CSMD1: variants seen among roughly 807,000 people sequenced by gnomAD.
CSMD1 encodes CUB and Sushi multiple domains 1.
In CSMD1, 213 loss-of-function variants were observed where a neutral mutation model predicts 417.5. That is an observed-to-expected ratio of 0.51 (90% confidence interval 0.46 to 0.57). The LOEUF is 0.57. Ranked by LOEUF, CSMD1 falls within the 20% of genes least tolerant of loss-of-function variation. The pLI, the probability that CSMD1 is intolerant of heterozygous loss-of-function variation, is 0.00. For missense variants in CSMD1, 6,923 were observed against 4,529.7 expected, an observed-to-expected ratio of 1.53 and a Z score of -15.17; for synonymous variants, 2,862 against 1,736.8, an observed-to-expected ratio of 1.65 and a Z score of -16.11.
At chr8:4,825,987 A>T (rs543896166) in intron 1 of CSMD1, among the ~76,000 whole-genome samples, 110 of 152,054 alleles carry the variant, frequency 7.2e-4, no homozygotes, top group African/African-American at 2.6e-3. Context: ...AAAAAAGAAC[A>T]AGTGTTGGGG....
intron 3 of CSMD1, among the ~76,000 whole-genome samples, chr8:4,269,253 C>T (rs1223657253): frequency 6.6e-6 from 1 of 152,088 alleles, no homozygotes; most frequent in Non-Finnish European, 1.5e-5. Flanking sequence ...GATGAGGTTT[C>T]ACCATGTTGC....
chr8:2,969,969 A>T (rs1446474581), intron 57 of CSMD1, among the ~76,000 whole-genome samples: 1 of 152,190 alleles, frequency 6.6e-6, no homozygotes, highest in Non-Finnish European at 1.5e-5. Context: ...GATATATTTG[A>T]GAAATATTTT....
intron 3 of CSMD1, among the ~76,000 whole-genome samples, chr8:4,333,617 T>A (rs1799997012): frequency 6.6e-6 from 1 of 152,164 alleles, no homozygotes; most frequent in Admixed American, 6.6e-5. Context: ...TGCAGATATA[T>A]TTAAGGAGAG....
intron 3 of CSMD1, among the ~76,000 whole-genome samples, chr8:4,126,536 AG>A (rs1287301668): frequency 1.3e-5 from 2 of 152,192 alleles, no homozygotes; most frequent in Non-Finnish European, 2.9e-5. Context: ...TCAGTGCTGC[AG>A]GGAGGCCACT....
intron 1 of CSMD1, among the ~76,000 whole-genome samples, chr8:4,983,964 A>G (rs771177684): frequency 1.9e-4 from 29 of 152,278 alleles, no homozygotes; most frequent in Non-Finnish European, 3.7e-4. Flanking sequence ...AGGTATAGTT[A>G]GGGTGTACCT....
In CSMD1 at chr8:4,750,262, C is replaced by T. The variant is rs1040230049; in HGVS notation, c.86-112704G>A. Among the ~76,000 whole-genome samples, 2 of 152,276 alleles carry T rather than the reference C, an allele frequency of 1.3e-5. 1 individual carries two copies. Among genetic ancestry groups the T allele is most frequent in the South Asian group, 4.1e-4 (2 of 4,828 alleles). On this transcript the variant is annotated intron_variant, in intron 1 of 69. Transcript: ENST00000635120. ...GACATTGTGATCCGCCCGCCTCGGC[C>T]TCCCACAGTGCTGGGATTACAGGGT...
intron 1 of CSMD1, among the ~76,000 whole-genome samples, chr8:4,751,390 CA>C (rs374698051): frequency 7.7e-4 from 110 of 142,458 alleles, no homozygotes; most frequent in African/African-American, 2.2e-3. Context: ...GACTCTGTCT[CA>C]GGGGGGGTGG....
intron 3 of CSMD1, among the ~76,000 whole-genome samples, chr8:4,342,083 C>T (rs1464550109): frequency 6.6e-6 from 1 of 152,030 alleles, no homozygotes; most frequent in African/African-American, 2.4e-5. Context: ...TCAAGTAGCG[C>T]AAGCCATCTC....
intron 23 of CSMD1, among the ~76,000 whole-genome samples, chr8:3,313,466 CCT>C (rs1427380563): frequency 6.6e-6 from 1 of 152,156 alleles, no homozygotes; most frequent in Non-Finnish European, 1.5e-5. Flanking sequence ...TGAACAGACA[CCT>C]CTCAAAAGAT....
chr8:3,955,041 T>A (rs113277680), intron 5 of CSMD1, among the ~76,000 whole-genome samples: 34 of 152,354 alleles, frequency 2.2e-4, no homozygotes, highest in African/African-American at 8.2e-4. Context: ...AATTTATCAT[T>A]TTCAAAGAGG....
intron 1 of CSMD1, among the ~76,000 whole-genome samples, chr8:4,746,013 C>G (rs1810925496): frequency 6.6e-6 from 1 of 152,200 alleles, no homozygotes; most frequent in African/African-American, 2.4e-5. Flanking sequence ...AGAAAATCTT[C>G]TAAACTGTAA....
In CSMD1 at chr8:4,419,986, C is replaced by T. The variant is rs1797156092; in HGVS notation, c.382G>A (p.Val128Met). The change falls in exon 3 of 70, where the codon GTG (valine) becomes ATG (methionine). Residue 128 changes from valine to methionine, a missense_variant. Val to Met is a conservative substitution (Grantham distance 21). Coordinates refer to ENST00000635120, the MANE Select transcript of CSMD1 (RefSeq NM_033225.6). ...LTLWFTTDFAVSAQGFKALYE... is the reference protein window; with the variant it reads ...LTLWFTTDFAMSAQGFKALYE... ...AATGCTTTGAAACCTTGGGCACTCA[C>T]AGCGAAGTCTGTCGTGAACCACAGA... 5 of 1,587,890 alleles carry T rather than the reference C, an allele frequency of 3.1e-6. No individual in the cohort carries two copies. The highest frequency in any genetic ancestry group is 4.3e-6 in the Non-Finnish European group (5 of 1,166,060).
intron 3 of CSMD1, among the ~76,000 whole-genome samples, chr8:4,227,941 C>G (rs1038295941): frequency 6.6e-6 from 1 of 151,156 alleles, no homozygotes; most frequent in Non-Finnish European, 1.5e-5. Flanking sequence ...AGACACACAC[C>G]CTCCATCCTG....
At chr8:4,098,984 C>A (rs1466915839) in intron 3 of CSMD1, among the ~76,000 whole-genome samples, 1 of 152,184 alleles carries the variant, frequency 6.6e-6, no homozygotes, top group Non-Finnish European at 1.5e-5. Flanking sequence ...TAAGAATACA[C>A]ATGAACTCTC....
chr8:4,835,254 G>A (rs977268489), intron 1 of CSMD1, among the ~76,000 whole-genome samples: 4 of 152,032 alleles, frequency 2.6e-5, no homozygotes, highest in African/African-American at 9.7e-5. Flanking sequence ...GTGGCAGTGG[G>A]GATACTAAGG....
chr8:4,407,461 G>A lies in CSMD1; in HGVS notation c.415+12492C>T, dbSNP rs1240902205. ...AATGTGATTAAATCAAAAGTATGTTGTAAAACGTAATTTTGTATATAATAA... is the reference window on the plus strand; with the variant it reads ...AATGTGATTAAATCAAAAGTATGTTATAAAACGTAATTTTGTATATAATAA... On this transcript the variant is annotated intron_variant, in intron 3 of 69. Coordinates refer to ENST00000635120, the MANE Select transcript of CSMD1 (RefSeq NM_033225.6). Among the ~76,000 whole-genome samples the A allele has an allele frequency of 2.0e-5, 3 of 152,154 alleles. No individual in the cohort carries two copies. In the East Asian group the frequency reaches 5.8e-4, roughly 29 times the overall value.
chr8:2,941,565 A>T (rs1228450053), intron 69 of CSMD1, among the ~76,000 whole-genome samples: 2 of 152,248 alleles, frequency 1.3e-5, no homozygotes, highest in Admixed American at 1.3e-4. Context: ...CAAGGAGTTT[A>T]TAGTTCCTCC....
At chr8:4,379,900 A>G (rs576363496) in intron 3 of CSMD1, among the ~76,000 whole-genome samples, 38 of 152,332 alleles carry the variant, frequency 2.5e-4, no homozygotes, top group Admixed American at 9.2e-4. Context: ...CGTGTTCCAC[A>G]CACTGGACGT....
intron 5 of CSMD1, among the ~76,000 whole-genome samples, chr8:3,980,071 T>C (rs1813734597): frequency 6.6e-6 from 1 of 152,210 alleles, no homozygotes; most frequent in South Asian, 2.1e-4. Context: ...ACAAGTAACA[T>C]CTTCTATTCC....
Sources: gnomAD v4.1 joint callset for allele counts (sites outside exome capture counted in the v4.1 genomes callset) on GRCh38, gnomAD v4.1.1 for gene constraint, MANE v1.5 for transcripts, NCBI Gene and HGNC (gene_info 2026-07-23, HGNC 2026-07-21) for gene names.